The following TOX variants were observed in gnomAD, a reference collection of about 807,000 sequenced individuals.
The protein encoded by TOX is thymocyte selection associated high mobility group box, also known as thymocyte selection-associated high mobility group box protein TOX.
TOX carries 11 observed loss-of-function variants against 53.7 expected under a neutral mutation model. The observed-to-expected ratio is 0.20, with a 90% CI of 0.13 to 0.34. TOX has a LOEUF of 0.34. TOX is among the 10% of genes least tolerant of loss of function. TOX has a pLI of 1.00. For missense variants in TOX, 570 were observed against 664.6 expected, an observed-to-expected ratio of 0.86 and a Z score of 1.56; for synonymous variants, 225 against 245.3, an observed-to-expected ratio of 0.92 and a Z score of 0.77.
intron 4 of TOX, among the ~76,000 whole-genome samples, chr8:58,848,702 T>C (rs1373886714): frequency 6.6e-6 from 1 of 152,110 alleles, no homozygotes; most frequent in African/African-American, 2.4e-5. Context: ...CTGTGTCTCA[T>C]TATGACTTAA....
intron 3 of TOX, among the ~76,000 whole-genome samples, chr8:58,856,666 C>G (rs1810921675): frequency 6.6e-6 from 1 of 152,032 alleles, no homozygotes; most frequent in Non-Finnish European, 1.5e-5. Context: ...CTATGCATGG[C>G]CCTGTGACAA....
chr8:58,898,960 T>A (rs971941228), intron 3 of TOX, among the ~76,000 whole-genome samples: 14 of 152,200 alleles, frequency 9.2e-5, no homozygotes, highest in African/African-American at 3.4e-4. Flanking sequence ...TTAAAGGAAA[T>A]CAAGGCTCTG....
intron 7 of TOX, among the ~76,000 whole-genome samples, chr8:58,812,311 TC>T (rs1810094162): frequency 6.6e-6 from 1 of 152,138 alleles, no homozygotes. Flanking sequence ...AGGATCCCAC[TC>T]CAATTCCCTG....
At chr8:59,023,033 C>T (rs1814164819) in intron 1 of TOX, among the ~76,000 whole-genome samples, 1 of 152,196 alleles carries the variant, frequency 6.6e-6, no homozygotes, top group South Asian at 2.1e-4. Context: ...TAAACAGTCA[C>T]ATTTAAATTA....
chr8:58,887,722 T>G (rs966764835), intron 3 of TOX, among the ~76,000 whole-genome samples: 2 of 152,062 alleles, frequency 1.3e-5, no homozygotes, highest in African/African-American at 4.8e-5. Flanking sequence ...TTTCTGCTCT[T>G]TAAGGTCTTT....
chr8:58,875,019 A>G (rs541218044), intron 3 of TOX, among the ~76,000 whole-genome samples: 1 of 152,344 alleles, frequency 6.6e-6, no homozygotes, highest in Admixed American at 6.5e-5. Context: ...AGCTCGATCT[A>G]AACACTCAGG....
At chr8:58,952,686 C>T (rs1315782714) in intron 2 of TOX, among the ~76,000 whole-genome samples, 5 of 152,128 alleles carry the variant, frequency 3.3e-5, no homozygotes, top group African/African-American at 4.8e-5. Context: ...CTGTTTTTAC[C>T]ACTAATGCTA....
intron 3 of TOX, among the ~76,000 whole-genome samples, chr8:58,867,349 C>T (rs985375543): frequency 6.6e-6 from 1 of 152,166 alleles, no homozygotes; most frequent in Admixed American, 6.5e-5. Flanking sequence ...CAGCCCCAAA[C>T]GCTCATTGTC....
chr8:58,897,081 T>C (rs1234818308), intron 3 of TOX, among the ~76,000 whole-genome samples: 1 of 152,220 alleles, frequency 6.6e-6, no homozygotes, highest in Non-Finnish European at 1.5e-5. Flanking sequence ...ATTTGCCTTC[T>C]AGTATCACCA....
rs1395990999 is a variant in TOX at position 58,861,813 on chromosome 8, T to C, written c.412-10008A>G. 6.6e-5 allele frequency among the ~76,000 whole-genome samples: 10 copies of C among 152,180 alleles called. No homozygotes were observed. In the East Asian group the frequency reaches 1.7e-3, roughly 26 times the overall value. ...CTCATATTTTTCCACGGAATGTTAATGGGATGCTTGCAAAAATAGAGATGT... is the reference window on the plus strand; with the variant it reads ...CTCATATTTTTCCACGGAATGTTAACGGGATGCTTGCAAAAATAGAGATGT... On this transcript the variant is annotated intron_variant, in intron 3 of 8. Transcript: ENST00000361421.
At chr8:59,070,765 A>C (rs1399975767) in intron 1 of TOX, among the ~76,000 whole-genome samples, 1 of 152,172 alleles carries the variant, frequency 6.6e-6, no homozygotes, top group Non-Finnish European at 1.5e-5. Flanking sequence ...ATTTCATCTG[A>C]AATATGTTTC....
chr8:59,075,725 G>A (rs997419724), intron 1 of TOX, among the ~76,000 whole-genome samples: 1 of 152,160 alleles, frequency 6.6e-6, no homozygotes, highest in African/African-American at 2.4e-5. Flanking sequence ...CTAAAACCTT[G>A]ATGAGATAGT....
At chr8:58,984,367 C>A (rs1813283252) in intron 1 of TOX, among the ~76,000 whole-genome samples, 1 of 152,136 alleles carries the variant, frequency 6.6e-6, no homozygotes, top group Admixed American at 6.5e-5. Flanking sequence ...TGGACAGATG[C>A]ATCTCCAAAG....
chr8:58,961,750 GCC>G (rs1812802150), intron 1 of TOX, among the ~76,000 whole-genome samples: 1 of 143,904 alleles, frequency 6.9e-6, no homozygotes, highest in African/African-American at 2.4e-5. Flanking sequence ...GCCTCCCAAA[GCC>G]TGCCTCAGCC....
At chr8:59,000,111 G>A (rs1462062417) in intron 1 of TOX, among the ~76,000 whole-genome samples, 1 of 151,892 alleles carries the variant, frequency 6.6e-6, no homozygotes, top group African/African-American at 2.4e-5. Flanking sequence ...TCTTTTTAGG[G>A]GTAGAATTTG....
chr8:59,082,401 C>T (rs901758017), intron 1 of TOX, among the ~76,000 whole-genome samples: 5 of 152,206 alleles, frequency 3.3e-5, no homozygotes, highest in South Asian at 2.1e-4. Flanking sequence ...AATTGCACTG[C>T]GAAATTCACT....
intron 1 of TOX, among the ~76,000 whole-genome samples, chr8:59,053,894 C>T (rs1039869819): frequency 6.6e-6 from 1 of 152,112 alleles, no homozygotes; most frequent in African/African-American, 2.4e-5. Context: ...ATATTTTTCT[C>T]AAGTCAAAAA....
intron 3 of TOX, among the ~76,000 whole-genome samples, chr8:58,878,182 G>A (rs1174362147): frequency 3.3e-5 from 5 of 150,248 alleles, no homozygotes; most frequent in South Asian, 2.1e-4. Flanking sequence ...AAGAGGCAAT[G>A]ACTCAAAGTT....
intron 1 of TOX, among the ~76,000 whole-genome samples, chr8:58,978,962 T>C (rs529984977): frequency 1.3e-5 from 2 of 152,304 alleles, no homozygotes; most frequent in African/African-American, 4.8e-5. Flanking sequence ...CTCCGAAAAA[T>C]GCTATTGCTA....
Sources: allele counts gnomAD v4.1 joint callset (sites outside exome capture counted in the v4.1 genomes callset), GRCh38; gene constraint gnomAD v4.1.1; transcripts MANE v1.5; gene names NCBI Gene and HGNC (gene_info 2026-07-23, HGNC 2026-07-21).